Variants in DAB1 observed in about 807,000 individuals in gnomAD.
DAB1 encodes the protein DAB adaptor protein 1, also known as disabled homolog 1.
Under a neutral mutation model 64.6 loss-of-function variants are expected in DAB1, and 15 were observed. That is an observed-to-expected ratio of 0.23 (90% CI 0.16 to 0.36). The LOEUF (loss-of-function observed/expected upper bound fraction) is 0.36, where lower values mean the gene tolerates loss of function less well. Among genes scored for constraint, DAB1 ranks in the 10% least tolerant of loss-of-function variants. DAB1 has a pLI of 1.00. For synonymous variants in DAB1, 235 were observed against 251.9 expected, an observed-to-expected ratio of 0.93 and a Z score of 0.64; for missense variants, 596 against 706.7, an observed-to-expected ratio of 0.84 and a Z score of 1.78.
intron 5 of DAB1, among the ~76,000 whole-genome samples, chr1:58,031,254 C>T (rs1430488199): frequency 6.6e-6 from 1 of 152,104 alleles, no homozygotes; most frequent in Non-Finnish European, 1.5e-5. Context: ...TGAATGGAAG[C>T]ATGGAGGCAA....
At chr1:58,294,785 G>A in intron 4 of DAB1, among the ~76,000 whole-genome samples, 1 of 151,728 alleles carries the variant, frequency 6.6e-6, no homozygotes, top group Non-Finnish European at 1.5e-5. Flanking sequence ...GCACATCTAG[G>A]TAGAGGATGC....
chr1:57,266,970 T>C (rs917531770), intron 2 of DAB1, among the ~76,000 whole-genome samples: 2 of 152,074 alleles, frequency 1.3e-5, no homozygotes, highest in Non-Finnish European at 2.9e-5. Context: ...TTAGATACTG[T>C]AGTGGGCTAA....
At chr1:58,197,394 GGA>G (rs552615797) in intron 4 of DAB1, among the ~76,000 whole-genome samples, 53 of 132,036 alleles carry the variant, frequency 4.0e-4, no homozygotes, top group African/African-American at 1.4e-3. Flanking sequence ...ACATTCAGTA[GGA>G]GAGTTACACT....
At chr1:57,907,319 GC>G (rs1228287438) in intron 5 of DAB1, among the ~76,000 whole-genome samples, 1 of 152,154 alleles carries the variant, frequency 6.6e-6, no homozygotes, top group Non-Finnish European at 1.5e-5. Flanking sequence ...TTTCTCACAT[GC>G]CAAAAAGGCG....
At chr1:57,431,833 A>C (rs1216561941) in intron 7 of DAB1, among the ~76,000 whole-genome samples, 1 of 152,194 alleles carries the variant, frequency 6.6e-6, no homozygotes, top group Non-Finnish European at 1.5e-5. Flanking sequence ...AAGCTATAAA[A>C]AATGGCTGGG....
intron 6 of DAB1, among the ~76,000 whole-genome samples, chr1:57,813,593 T>C (rs528256792): frequency 3.9e-4 from 60 of 152,328 alleles, no homozygotes; most frequent in African/African-American, 1.3e-3. Context: ...GTCTAAGTCA[T>C]GTTTAGTTCA....
chr1:57,810,246 G>A (rs1267501016), intron 6 of DAB1, among the ~76,000 whole-genome samples: 2 of 152,156 alleles, frequency 1.3e-5, no homozygotes. Flanking sequence ...CATTAAGAAG[G>A]GGGGCTCCTT....
At chr1:57,391,869 C>A (rs761703694) in intron 1 of DAB1, among the ~76,000 whole-genome samples, 2 of 151,332 alleles carry the variant, frequency 1.3e-5, no homozygotes, top group Non-Finnish European at 2.9e-5. Flanking sequence ...TGGAAAGTTG[C>A]ATTTTTTTAG....
intron 1 of DAB1, among the ~76,000 whole-genome samples, chr1:57,837,181 C>T (rs1013995850): frequency 6.6e-6 from 1 of 152,222 alleles, no homozygotes; most frequent in African/African-American, 2.4e-5. Context: ...AATACATTCT[C>T]CAGGCAGTAA....
At chr1:58,538,200 C>T (rs6674886) in intron 1 of DAB1, among the ~76,000 whole-genome samples, 148,907 of 152,252 alleles carry the variant, frequency 0.98, 72,901 homozygotes, top group East Asian at 1. Flanking sequence ...ATAAAACAAA[C>T]AAGAGAAAAA....
At chr1:57,299,987 TCATCCTCTTTTTCTCTACCCTCTCATA>T (rs757452884) in intron 1 of DAB1, among the ~76,000 whole-genome samples, 8 of 152,184 alleles carry the variant, frequency 5.3e-5, no homozygotes, top group Non-Finnish European at 1.0e-4. Context: ...CCTTCTCTCC[TCATCCTCTTTTTCTCTACCCTCTCATA>T]CAGCTGCGTG....
At chr1:58,520,182 AC>A (rs1163458958) in intron 2 of DAB1, among the ~76,000 whole-genome samples, 1 of 152,144 alleles carries the variant, frequency 6.6e-6, no homozygotes, top group Non-Finnish European at 1.5e-5. Flanking sequence ...TCATTTGTAC[AC>A]CAAATCTTAG....
At position 57,248,055 on chromosome 1, in the gene DAB1, C is replaced by T. The variant is rs61765631; in HGVS notation, c.67+42909G>A. Among the ~76,000 whole-genome samples, 1,168 of 152,196 alleles carry T rather than the reference C, an allele frequency of 7.7e-3. 30 individuals carry two copies. In the East Asian group the frequency reaches 0.081, roughly 10 times the overall value. On this transcript the variant is annotated intron_variant, in intron 2 of 14. Coordinates refer to ENST00000371236, the MANE Select transcript of DAB1 (RefSeq NM_001365792.1). ...ATTAGTTCCAGGACCCTTGTGGATACCAAAACAAGAGGATGCTCAAGTCCC... is the reference window on the plus strand; with the variant it reads ...ATTAGTTCCAGGACCCTTGTGGATATCAAAACAAGAGGATGCTCAAGTCCC...
intron 1 of DAB1, among the ~76,000 whole-genome samples, chr1:57,319,761 T>TA (rs1358091270): frequency 1.3e-5 from 2 of 151,492 alleles, no homozygotes; most frequent in Non-Finnish European, 2.9e-5. Context: ...AAACAGAGGG[T>TA]AGGTGGGTTG....
intron 2 of DAB1, among the ~76,000 whole-genome samples, chr1:57,149,726 T>C (rs1659480918): frequency 6.6e-6 from 1 of 152,176 alleles, no homozygotes; most frequent in Admixed American, 6.5e-5. Flanking sequence ...ATAGGAACCA[T>C]AGGAATCACT....
chr1:57,241,076 A>T (rs1219128478), intron 2 of DAB1, among the ~76,000 whole-genome samples: 1 of 152,222 alleles, frequency 6.6e-6, no homozygotes, highest in Admixed American at 6.5e-5. Flanking sequence ...TAGGGATGAG[A>T]TGCAGAAATC....
intron 4 of DAB1, among the ~76,000 whole-genome samples, chr1:57,085,802 G>A (rs1258783244): frequency 6.6e-6 from 1 of 152,112 alleles, no homozygotes; most frequent in Non-Finnish European, 1.5e-5. Flanking sequence ...GGGTGGCAGA[G>A]TTCAGTAATG....
At chr1:57,714,417 T>C (rs1425079034) in intron 6 of DAB1, among the ~76,000 whole-genome samples, 1 of 152,164 alleles carries the variant, frequency 6.6e-6, no homozygotes, top group Non-Finnish European at 1.5e-5. Flanking sequence ...AGTCTATCTA[T>C]GGTAAGGTGG....
intron 6 of DAB1, among the ~76,000 whole-genome samples, chr1:57,747,925 C>A (rs1648365201): frequency 6.6e-6 from 1 of 150,444 alleles, no homozygotes; most frequent in East Asian, 2.0e-4. Context: ...GAAGGCTGAG[C>A]AGGAAGTTTA....
Sources: allele counts gnomAD v4.1 joint callset (sites outside exome capture counted in the v4.1 genomes callset), GRCh38; gene constraint gnomAD v4.1.1; transcripts MANE v1.5; gene names NCBI Gene and HGNC (gene_info 2026-07-23, HGNC 2026-07-21).